The following ACAD9 variants were observed in gnomAD, a reference collection of about 807,000 sequenced individuals.
ACAD9 encodes acyl-CoA dehydrogenase family member 9.
In ACAD9, 53 loss-of-function variants were observed where a neutral mutation model predicts 70.2. The ratio of observed to expected loss-of-function variants is 0.75; its 90% CI spans 0.61 to 0.95. The LOEUF (loss-of-function observed/expected upper bound fraction) is 0.95. Among genes scored for constraint, ACAD9 ranks in the 40% least tolerant of loss-of-function variants. ACAD9 has a pLI of 0.00. For synonymous variants in ACAD9, 313 were observed against 312.1 expected (o/e 1.00, Z -0.03); for missense variants, 777 against 802.8 (o/e 0.97, Z 0.39).
intron 7 of ACAD9, 31 bp downstream of exon 7, chr3:128,899,492 T>C (rs1935670959): frequency 6.2e-7 from 1 of 1,608,696 alleles, no homozygotes; most frequent in South Asian, 1.1e-5. Context: ...CGTGCGCGTG[T>C]GTGTGTGTAA....
intron 2 of ACAD9, among the ~76,000 whole-genome samples, chr3:128,892,237 A>G (rs978633911): frequency 3.9e-5 from 6 of 152,220 alleles, no homozygotes; most frequent in Admixed American, 1.3e-4. Flanking sequence ...AACTCAACAA[A>G]TTATATATTA....
At chr3:128,887,629 A>ATAAAAAT (rs1446973807) in intron 2 of ACAD9, among the ~76,000 whole-genome samples, 12 of 99,342 alleles carry the variant, frequency 1.2e-4, no homozygotes, top group African/African-American at 7.3e-4. Flanking sequence ...AAAAATAAAA[A>ATAAAAAT]TAAAAAAATA....
chr3:128,910,015 T>A lies in ACAD9; in HGVS notation c.1564-6T>A, dbSNP rs754414695. 9.3e-6 allele frequency: 15 copies of A among 1,613,206 alleles called. 1 individual carries two copies. The highest frequency in any genetic ancestry group is 8.8e-5 in the South Asian group (8 of 90,714). On this transcript the variant is annotated splice_region_variant and splice_polypyrimidine_tract_variant and intron_variant, in intron 15 of 17. Coordinates refer to ENST00000308982, the MANE Select transcript of ACAD9 (RefSeq NM_014049.5). ...GAGTCCCCACTTGGAGCCTCTGTGATCCCAGACCATCATGGAGGAGCAGCT... is the reference window on the plus strand; with the variant it reads ...GAGTCCCCACTTGGAGCCTCTGTGAACCCAGACCATCATGGAGGAGCAGCT...
intron 12 of ACAD9, 116 bp downstream of exon 12, chr3:128,906,365 C>CT (rs1935893222): frequency 6.7e-7 from 1 of 1,493,756 alleles, no homozygotes; most frequent in Non-Finnish European, 9.1e-7. Context: ...CGCATGCTCT[C>CT]AGGGGCTCTC....
chr3:128,905,160 AAAAAC>A (rs1196391208), intron 11 of ACAD9, among the ~76,000 whole-genome samples: 2 of 151,800 alleles, frequency 1.3e-5, no homozygotes, highest in African/African-American at 4.8e-5. Flanking sequence ...AAAAAAAACA[AAAAAC>A]AAAAAACATG....
intron 2 of ACAD9, among the ~76,000 whole-genome samples, chr3:128,886,909 T>A (rs1181832102): frequency 6.6e-6 from 1 of 151,926 alleles, no homozygotes; most frequent in African/African-American, 2.4e-5. Flanking sequence ...TGTCTTTTTT[T>A]ATAATCTTCA....
At chr3:128,910,374 AGT>A (rs938893034) in intron 16 of ACAD9, 10 of 1,456,322 alleles carry the variant, frequency 6.9e-6, no homozygotes, top group Non-Finnish European at 9.0e-6. Flanking sequence ...TCCTGATCCC[AGT>A]GCCCCTACCC....
At chr3:128,899,554 G>GTGTT (rs1935678294) in intron 7 of ACAD9, 93 bp downstream of exon 7, 1 of 1,421,172 alleles carries the variant, frequency 7.0e-7, no homozygotes, top group South Asian at 1.3e-5. Flanking sequence ...GTGTGTGTGT[G>GTGTT]TGTGTGTGTA....
chr3:128,910,764 C>T lies in ACAD9; in HGVS notation c.1716C>T (p.Cys572=), dbSNP rs147040198. ...DHEVLLANTF[C]VEAYLQNLFS... ...AGGTTCTCTTGGCCAACACCTTCTG[C>T]GTGGAAGCTTACTTGCAGAATCTCT... Residue 572 remains cysteine (C), a synonymous_variant, in exon 17 of 18, where the codon TGC becomes TGT. Coordinates refer to ENST00000308982, the MANE Select transcript of ACAD9 (RefSeq NM_014049.5). 141 of 1,614,160 alleles carry T rather than the reference C, an allele frequency of 8.7e-5. No homozygotes were observed. The African/African-American group carries it at 1.4e-3, about 16-fold the overall frequency.
intron 1 of ACAD9, among the ~76,000 whole-genome samples, chr3:128,882,691 C>G (rs1935127860): frequency 6.6e-6 from 1 of 152,224 alleles, no homozygotes; most frequent in African/African-American, 2.4e-5. Context: ...TCAGCAGTCT[C>G]AGTCAGAGCC....
rs777933573 is a variant in ACAD9 at position 128,879,656 on chromosome 3, G to GGAGACT, written c.-32_-27dup. ...GTGTGTCCCTGCGGCGCTAAGAAGG[G>GGAGACT]GAGACTGAGGCTGAGGCTGGGGAAC... On this transcript the variant is annotated 5_prime_UTR_variant, in exon 1 of 18. Coordinates refer to ENST00000308982, the MANE Select transcript of ACAD9 (RefSeq NM_014049.5). 5.0e-6 allele frequency: 8 copies of GGAGACT among 1,608,642 alleles called. No homozygotes were observed. In the African/African-American group the frequency reaches 8.1e-5, roughly 16 times the overall value.
chr3:128,908,918 G>C (rs1936007298), intron 13 of ACAD9, 55 bp from the exon 14 acceptor site: 2 of 1,613,350 alleles, frequency 1.2e-6, no homozygotes, highest in Non-Finnish European at 1.7e-6. Flanking sequence ...CATGTTGCTG[G>C]ACAGTGAGCG....
At chr3:128,898,409 T>C (rs1472942261) in intron 6 of ACAD9, 1 of 451,864 alleles carries the variant, frequency 2.2e-6, no homozygotes, top group African/African-American at 2.1e-5. Context: ...AAATTGATAA[T>C]TTCTCTTTTC....
intron 1 of ACAD9, among the ~76,000 whole-genome samples, chr3:128,882,506 C>G (rs1173289077): frequency 6.6e-6 from 1 of 152,174 alleles, no homozygotes; most frequent in Non-Finnish European, 1.5e-5. Context: ...CTCTCACAGC[C>G]TTACTGGGAT....
At chr3:128,880,648 CA>C (rs1276361249) in intron 1 of ACAD9, among the ~76,000 whole-genome samples, 1 of 152,006 alleles carries the variant, frequency 6.6e-6, no homozygotes, top group Non-Finnish European at 1.5e-5. Flanking sequence ...CGGCCTCCCA[CA>C]GTGCTGGGAT....
At chr3:128,911,661 C>G (rs1936337886) in intron 17 of ACAD9, among the ~76,000 whole-genome samples, 1 of 151,710 alleles carries the variant, frequency 6.6e-6, no homozygotes, top group Admixed American at 6.6e-5. Context: ...AAGCTGGTCT[C>G]CAACCCCTGA....
intron 16 of ACAD9, chr3:128,910,422 G>T: frequency 7.6e-7 from 1 of 1,314,588 alleles, no homozygotes; most frequent in Non-Finnish European, 1.0e-6. Flanking sequence ...TGCCCGCTGT[G>T]CTGGAGGGAG....
rs1935730576 is a variant in ACAD9, at chr3:128,901,267, G to A, written c.809-9G>A. The A allele has an allele frequency of 1.9e-6, 3 of 1,613,268 alleles. No homozygotes were observed. Among genetic ancestry groups the A allele is most frequent in the Non-Finnish European group, 1.7e-6 (2 of 1,179,452 alleles). On this transcript the variant is annotated splice_polypyrimidine_tract_variant and intron_variant, in intron 7 of 17. Coordinates refer to ENST00000308982, the MANE Select transcript of ACAD9 (RefSeq NM_014049.5). ...TGTCAGATGATATCTTAAATTTCAT[G>A]TGTTTCAGCTTGTGAAGTCCATTTT...
chr3:128,909,277 G>A (rs1168086209), intron 14 of ACAD9, 67 bp from the exon 15 acceptor site: 38 of 1,599,704 alleles, frequency 2.4e-5, no homozygotes, highest in Admixed American at 8.3e-5. Context: ...CCTGGTACCC[G>A]GGCTGTGAGA....
Sources: allele counts gnomAD v4.1 joint callset (sites outside exome capture counted in the v4.1 genomes callset), GRCh38; gene constraint gnomAD v4.1.1; transcripts MANE v1.5; gene names NCBI Gene and HGNC (gene_info 2026-07-23, HGNC 2026-07-21).